VWC2L: variants seen among roughly 807,000 people sequenced by gnomAD.
The protein encoded by VWC2L is von Willebrand factor C domain containing 2 like.
In VWC2L, 10 loss-of-function variants were observed where a neutral mutation model predicts 21.6. The ratio of observed to expected loss-of-function variants is 0.46; its 90% confidence interval spans 0.29 to 0.78. The LOEUF (loss-of-function observed/expected upper bound fraction) is 0.78. VWC2L is among the 30% of genes least tolerant of loss of function. VWC2L has a pLI of 0.10. For missense variants in VWC2L, 209 were observed against 277.1 expected, an observed-to-expected ratio of 0.75 and a Z score of 1.74; for synonymous variants, 96 against 94.3, an observed-to-expected ratio of 1.02 and a Z score of -0.10.
chr2:214,438,065 A>C (rs987828885), intron 3 of VWC2L, among the ~76,000 whole-genome samples: 1 of 152,104 alleles, frequency 6.6e-6, no homozygotes, highest in Non-Finnish European at 1.5e-5. Context: ...CTCATCAAAA[A>C]TAAATATATG....
intron 3 of VWC2L, among the ~76,000 whole-genome samples, chr2:214,540,223 C>T (rs561099979): frequency 2.0e-5 from 3 of 152,278 alleles, no homozygotes; most frequent in South Asian, 4.1e-4. Flanking sequence ...TAATAGATTG[C>T]ACCATTAAAA....
chr2:214,414,273 A>G lies in VWC2L; in HGVS notation c.80A>G (p.Glu27Gly). The stretch of plus-strand genomic sequence containing the variant: ...GTCACCTCTGCTGCTATCAGTCATG[A>G]AGACTATCCTGCTGATGAAGGTGAC... Reference protein sequence around the residue: ...GLVTSAAISHEDYPADEGDQI... With the variant: ...GLVTSAAISHGDYPADEGDQI... The change falls in exon 2 of 4, where the codon GAA becomes GGA. Residue 27 changes from glutamate to glycine, a missense_variant. Transcript: ENST00000312504. 1 of 1,613,840 alleles carries G rather than the reference A, an allele frequency of 6.2e-7. No homozygotes were observed. The highest frequency in any genetic ancestry group is 8.5e-7 in the Non-Finnish European group (1 of 1,179,810).
chr2:214,560,433 T>C (rs1017767722), intron 3 of VWC2L, among the ~76,000 whole-genome samples: 5 of 152,220 alleles, frequency 3.3e-5, no homozygotes, highest in African/African-American at 1.2e-4. Context: ...CCATGTCCCA[T>C]GTCCCTTTCC....
chr2:214,421,188 A>C (rs1702433486), intron 2 of VWC2L, among the ~76,000 whole-genome samples: 1 of 152,252 alleles, frequency 6.6e-6, no homozygotes, highest in Non-Finnish European at 1.5e-5. Flanking sequence ...ACAGAAGTAC[A>C]TGAAATCTAG....
At chr2:214,516,171 A>G (rs1294786199) in intron 3 of VWC2L, among the ~76,000 whole-genome samples, 1 of 152,162 alleles carries the variant, frequency 6.6e-6, no homozygotes, top group East Asian at 1.9e-4. Flanking sequence ...TTACACCACC[A>G]CAATTGGCAA....
At chr2:214,473,669 T>TA (rs1484004860) in intron 3 of VWC2L, 2 of 151,662 alleles carry the variant, frequency 1.3e-5, no homozygotes, top group East Asian at 3.9e-4. Flanking sequence ...GGCATATAGC[T>TA]AATTTACCCA....
chr2:214,568,586 C>A (rs754858057), intron 3 of VWC2L, among the ~76,000 whole-genome samples: 30 of 152,088 alleles, frequency 2.0e-4, no homozygotes, highest in Non-Finnish European at 2.8e-4. Context: ...AGCAAGAGAG[C>A]TTGTGTAGGG....
chr2:214,568,280 T>C (rs999043083), intron 3 of VWC2L, among the ~76,000 whole-genome samples: 1 of 152,222 alleles, frequency 6.6e-6, no homozygotes, highest in Non-Finnish European at 1.5e-5. Context: ...GAAATGGTCC[T>C]GTTAATTTGT....
intron 3 of VWC2L, among the ~76,000 whole-genome samples, chr2:214,562,658 T>C (rs536672403): frequency 2.0e-5 from 3 of 152,332 alleles, no homozygotes; most frequent in African/African-American, 7.2e-5. Flanking sequence ...AATAATTGAC[T>C]TTTTAATAAT....
intron 3 of VWC2L, among the ~76,000 whole-genome samples, chr2:214,517,925 G>A (rs1689170510): frequency 6.6e-6 from 1 of 152,198 alleles, no homozygotes. Flanking sequence ...CCAGCACTTT[G>A]GGAGGCCAAG....
intron 3 of VWC2L, among the ~76,000 whole-genome samples, chr2:214,532,494 C>G (rs944666747): frequency 6.6e-5 from 10 of 152,008 alleles, no homozygotes; most frequent in African/African-American, 2.4e-4. Context: ...TTTAACAGTT[C>G]GATATAATCC....
At chr2:214,566,852 T>C (rs1690069697) in intron 3 of VWC2L, among the ~76,000 whole-genome samples, 1 of 152,206 alleles carries the variant, frequency 6.6e-6, no homozygotes, top group Non-Finnish European at 1.5e-5. Context: ...TGGCTACACC[T>C]GATCAGAAAT....
chr2:214,501,266 GAACT>G (rs1180560865), intron 3 of VWC2L, among the ~76,000 whole-genome samples: 3 of 152,060 alleles, frequency 2.0e-5, no homozygotes, highest in African/African-American at 7.2e-5. Flanking sequence ...ATGAAGTGTA[GAACT>G]AACTGTCACT....
chr2:214,532,651 T>C (rs1452980571), intron 3 of VWC2L, among the ~76,000 whole-genome samples: 1 of 152,158 alleles, frequency 6.6e-6, no homozygotes, highest in Non-Finnish European at 1.5e-5. Flanking sequence ...TCAAGCATTT[T>C]TGTGTATGGT....
intron 3 of VWC2L, among the ~76,000 whole-genome samples, chr2:214,554,520 G>A (rs531812957): frequency 1.2e-4 from 18 of 152,016 alleles, no homozygotes; most frequent in Admixed American, 3.9e-4. Flanking sequence ...AAAATTAGCC[G>A]GGTGTGGTGG....
At chr2:214,506,193 T>C (rs1688965474) in intron 3 of VWC2L, among the ~76,000 whole-genome samples, 1 of 152,204 alleles carries the variant, frequency 6.6e-6, no homozygotes, top group South Asian at 2.1e-4. Flanking sequence ...ACTTTAAAGA[T>C]ATATACTGAC....
Position 214,575,856 on chromosome 2 carries a change from G to C in VWC2L, c.*36G>C, listed in dbSNP as rs755705702. On this transcript the variant is annotated 3_prime_UTR_variant, in exon 4 of 4. Transcript: ENST00000312504. The stretch of plus-strand genomic sequence containing the variant: ...CACCCAATGATGAGTTCTTAGGAAA[G>C]GATGCTATGGCTTCAACACTGCACA... 2 of 1,591,538 alleles carry C rather than the reference G, an allele frequency of 1.3e-6. No homozygotes were observed. The highest frequency in any genetic ancestry group is 8.6e-7 in the Non-Finnish European group (1 of 1,163,946).
intron 2 of VWC2L, among the ~76,000 whole-genome samples, chr2:214,433,321 T>C (rs1702632277): frequency 6.6e-6 from 1 of 151,848 alleles, no homozygotes; most frequent in Non-Finnish European, 1.5e-5. Context: ...TGAGGGTTCT[T>C]AGGAGTTTTC....
intron 2 of VWC2L, among the ~76,000 whole-genome samples, chr2:214,417,094 C>T (rs1559284185): frequency 6.6e-6 from 1 of 152,122 alleles, no homozygotes; most frequent in Non-Finnish European, 1.5e-5. Flanking sequence ...TCTTGATTCT[C>T]TTCCAACTCA....
Sources: gnomAD v4.1 joint callset for allele counts (sites outside exome capture counted in the v4.1 genomes callset) on GRCh38, gnomAD v4.1.1 for gene constraint, MANE v1.5 for transcripts, NCBI Gene and HGNC (gene_info 2026-07-23, HGNC 2026-07-21) for gene names.